Variants in LRRC37A2 observed in about 807,000 individuals in gnomAD.
The protein encoded by LRRC37A2 is leucine-rich repeat-containing protein 37A2.
Under a neutral mutation model 68.8 loss-of-function variants are expected in LRRC37A2, and 9 were observed. The observed-to-expected ratio is 0.13, with a 90% CI of 0.08 to 0.23. The LOEUF (loss-of-function observed/expected upper bound fraction) is 0.23. Ranked by LOEUF, LRRC37A2 falls within the 10% of genes least tolerant of loss-of-function variation. LRRC37A2 has a pLI of 1.00. For synonymous variants in LRRC37A2, 63 were observed against 367.6 expected (o/e 0.17, Z 9.48); for missense variants, 168 against 950.4 (o/e 0.18, Z 10.82).
chr17:46,896,425 A>AGAAG, the LRRC37A2 span, among the ~76,000 whole-genome samples: 1 of 85,196 alleles, frequency 1.2e-5, no homozygotes, highest in East Asian at 2.8e-4. Flanking sequence ...AAAGAAAGAA[A>AGAAG]GAAAGAAAGA....
At chr17:46,850,531 T>A in the LRRC37A2 span, among the ~76,000 whole-genome samples, 1 of 152,198 alleles carries the variant, frequency 6.6e-6, no homozygotes, top group Non-Finnish European at 1.5e-5. Context: ...TCCCTATGCA[T>A]GGCTGATTTT....
chr17:47,026,967 G>A, the LRRC37A2 span, among the ~76,000 whole-genome samples: 1 of 152,184 alleles, frequency 6.6e-6, no homozygotes, highest in African/African-American at 2.4e-5. Context: ...CTGGAGTGCA[G>A]TGGTGCAATC....
At chr17:46,939,091 C>A in the LRRC37A2 span, 2 of 1,213,802 alleles carry the variant, frequency 1.6e-6, no homozygotes, top group South Asian at 3.1e-5. Context: ...AAGGTGTCCA[C>A]AGTGAGCCCT....
the LRRC37A2 span, among the ~76,000 whole-genome samples, chr17:46,918,596 GACACACACACACACAC>G: frequency 7.3e-4 from 107 of 146,758 alleles, no homozygotes; most frequent in East Asian, 1.4e-3. Flanking sequence ...ATAGCAGGCA[GACACACACACACACAC>G]ACACACACAC....
the LRRC37A2 span, among the ~76,000 whole-genome samples, chr17:47,030,063 A>AAATAATAATAAT: frequency 8.4e-4 from 63 of 75,312 alleles, 8 homozygotes; most frequent in East Asian, 1.2e-3. Context: ...ACTCTGTCTC[A>AAATAATAATAAT]AATAATAATA....
the LRRC37A2 span, among the ~76,000 whole-genome samples, chr17:46,493,071 C>T: frequency 3.2e-3 from 472 of 146,390 alleles, 3 homozygotes; most frequent in Non-Finnish European, 2.7e-3. Context: ...TTTCCTTGTC[C>T]CTAATGACTA....
At chr17:46,509,910 GAA>G (rs1046984804), upstream of LRRC37A2, among the ~76,000 whole-genome samples, 2 of 46,718 alleles carry the variant, frequency 4.3e-5, no homozygotes. Flanking sequence ...CTCTCTCGAG[GAA>G]AAAAAAAAAA....
At chr17:46,479,665 G>A in the LRRC37A2 span, among the ~76,000 whole-genome samples, 13 of 101,732 alleles carry the variant, frequency 1.3e-4, 1 homozygote, top group African/African-American at 3.6e-4. Flanking sequence ...GTGCCACCAC[G>A]CCCAGCTAAT....
At chr17:46,951,687 A>G in the LRRC37A2 span, among the ~76,000 whole-genome samples, 3 of 152,314 alleles carry the variant, frequency 2.0e-5, no homozygotes, top group South Asian at 6.2e-4. Flanking sequence ...GGCCAGGGTA[A>G]TGCTGACAGG....
the LRRC37A2 span, among the ~76,000 whole-genome samples, chr17:46,890,135 C>T: frequency 6.6e-6 from 1 of 152,206 alleles, no homozygotes; most frequent in Non-Finnish European, 1.5e-5. Flanking sequence ...TCCTCCTCCT[C>T]GCTCCTCTTC....
At chr17:46,877,278 AG>A in the LRRC37A2 span, among the ~76,000 whole-genome samples, 2 of 152,218 alleles carry the variant, frequency 1.3e-5, no homozygotes, top group Admixed American at 1.3e-4. Context: ...ATGGGGAGAA[AG>A]CACAGGTGGT....
chr17:46,787,976 G>C, the LRRC37A2 span, among the ~76,000 whole-genome samples: 3 of 146,720 alleles, frequency 2.0e-5, no homozygotes, highest in Non-Finnish European at 3.0e-5. Flanking sequence ...AAAAAAAAAA[G>C]ATGTAGCCTC....
the LRRC37A2 span, among the ~76,000 whole-genome samples, chr17:46,871,918 A>G: frequency 6.6e-6 from 1 of 152,192 alleles, no homozygotes; most frequent in Non-Finnish European, 1.5e-5. Context: ...TTGAAGGTCT[A>G]TCTGGGAATT....
At chr17:46,968,139 A>G in the LRRC37A2 span, among the ~76,000 whole-genome samples, 1 of 151,944 alleles carries the variant, frequency 6.6e-6, no homozygotes. Flanking sequence ...CCTTCTCTTC[A>G]GCTCCAACAA....
At chr17:46,881,950 A>C in the LRRC37A2 span, among the ~76,000 whole-genome samples, 1 of 152,156 alleles carries the variant, frequency 6.6e-6, no homozygotes, top group South Asian at 2.1e-4. Context: ...TATCTACTAC[A>C]TAGTCCATAT....
the LRRC37A2 span, among the ~76,000 whole-genome samples, chr17:46,815,209 T>C: frequency 1.3e-5 from 2 of 151,644 alleles, no homozygotes; most frequent in Non-Finnish European, 2.9e-5. Context: ...GACAAGTTTC[T>C]CCACCAGGAG....
chr17:46,599,071 C>A, the LRRC37A2 span, among the ~76,000 whole-genome samples: 1 of 52,350 alleles, frequency 1.9e-5, no homozygotes, highest in African/African-American at 8.7e-5. Flanking sequence ...TAGGATGACT[C>A]TTTTTTTCAA....
the LRRC37A2 span, among the ~76,000 whole-genome samples, chr17:46,707,015 C>T: frequency 2.0e-5 from 3 of 148,710 alleles, no homozygotes; most frequent in Admixed American, 6.8e-5. Flanking sequence ...CATGCTTGGC[C>T]GATTTTTGTA....
chr17:46,776,481 A>T, the LRRC37A2 span, among the ~76,000 whole-genome samples: 3 of 152,184 alleles, frequency 2.0e-5, no homozygotes, highest in Non-Finnish European at 2.9e-5. Flanking sequence ...CTTCATTATC[A>T]TCGCCATTGT....
Sources: allele counts gnomAD v4.1 joint callset (sites outside exome capture counted in the v4.1 genomes callset), GRCh38; gene constraint gnomAD v4.1.1; transcripts MANE v1.5; gene names NCBI Gene and HGNC (gene_info 2026-07-23, HGNC 2026-07-21).